GULP1: variants seen among roughly 807,000 people sequenced by gnomAD.
The protein encoded by GULP1 is GULP PTB domain containing engulfment adaptor 1, also known as PTB domain-containing engulfment adapter protein 1.
A neutral mutation model predicts 40.9 loss-of-function variants in GULP1; 19 were observed. That is an observed-to-expected ratio of 0.46 (90% CI 0.32 to 0.68). The LOEUF is 0.68. Among genes scored for constraint, GULP1 ranks in the 30% least tolerant of loss-of-function variants. GULP1 has a pLI of 0.03. For synonymous variants in GULP1, 119 were observed against 117.6 expected (o/e 1.01, Z -0.08); for missense variants, 312 against 362.2 (o/e 0.86, Z 1.12).
intron 4 of GULP1, among the ~76,000 whole-genome samples, chr2:188,505,627 C>G (rs1177767676): frequency 6.6e-5 from 10 of 151,702 alleles, no homozygotes; most frequent in Admixed American, 6.6e-4. Flanking sequence ...CATTCCAAGT[C>G]CTTGGTCCAT....
At chr2:188,583,269 C>T (rs1252434811) in intron 9 of GULP1, among the ~76,000 whole-genome samples, 1 of 152,116 alleles carries the variant, frequency 6.6e-6, no homozygotes, top group Admixed American at 6.5e-5. Context: ...CCATCATTCT[C>T]TACACACAAT....
intron 2 of GULP1, among the ~76,000 whole-genome samples, chr2:188,416,776 G>C (rs892270485): frequency 6.6e-6 from 1 of 152,172 alleles, no homozygotes; most frequent in Admixed American, 6.5e-5. Flanking sequence ...TGAACATATA[G>C]TAGTTAGTAG....
intron 1 of GULP1, among the ~76,000 whole-genome samples, chr2:188,351,130 G>A (rs2044389451): frequency 6.6e-6 from 1 of 152,128 alleles, no homozygotes; most frequent in Admixed American, 6.6e-5. Context: ...AAATAATTCA[G>A]AGGATGGAAT....
intron 2 of GULP1, among the ~76,000 whole-genome samples, chr2:188,471,874 T>A (rs755268257): frequency 2.0e-5 from 3 of 152,164 alleles, no homozygotes; most frequent in South Asian, 4.1e-4. Context: ...TTTTGTATCT[T>A]TGGTGTTGCT....
chr2:188,468,489 TATATTA>T (rs2060314106), intron 2 of GULP1, among the ~76,000 whole-genome samples: 1 of 152,210 alleles, frequency 6.6e-6, no homozygotes, highest in Non-Finnish European at 1.5e-5. Flanking sequence ...TAATTCAACA[TATATTA>T]ACTATAGATA....
intron 4 of GULP1, among the ~76,000 whole-genome samples, chr2:188,522,419 C>T (rs747875434): frequency 6.6e-6 from 1 of 151,930 alleles, no homozygotes; most frequent in Non-Finnish European, 1.5e-5. Context: ...TTTTTAATTA[C>T]TAATAAGTTT....
chr2:188,318,466 A>T (rs1235095976), intron 1 of GULP1, among the ~76,000 whole-genome samples: 1 of 152,134 alleles, frequency 6.6e-6, no homozygotes, highest in Non-Finnish European at 1.5e-5. Context: ...TCTTTCAATA[A>T]ACTCCATATA....
At chr2:188,360,243 G>A (rs918815471) in intron 1 of GULP1, among the ~76,000 whole-genome samples, 2 of 151,950 alleles carry the variant, frequency 1.3e-5, no homozygotes, top group African/African-American at 4.8e-5. Flanking sequence ...GGACAAAATA[G>A]GCTTTACTTT....
chr2:188,534,498 AG>A (rs1316350550), intron 6 of GULP1, among the ~76,000 whole-genome samples: 2 of 152,064 alleles, frequency 1.3e-5, no homozygotes, highest in Non-Finnish European at 2.9e-5. Flanking sequence ...GGGAGAAGGA[AG>A]GAGGGGATAA....
intron 2 of GULP1, among the ~76,000 whole-genome samples, chr2:188,387,322 T>G (rs188627918): frequency 6.6e-6 from 1 of 152,254 alleles, no homozygotes; most frequent in African/African-American, 2.4e-5. Flanking sequence ...TAATATCAAG[T>G]ATACATTTAT....
At chr2:188,370,485 C>T (rs2047458067) in intron 1 of GULP1, among the ~76,000 whole-genome samples, 1 of 152,098 alleles carries the variant, frequency 6.6e-6, no homozygotes, top group Non-Finnish European at 1.5e-5. Context: ...TTTATTTATG[C>T]CCTCCTCATT....
intron 4 of GULP1, among the ~76,000 whole-genome samples, chr2:188,484,013 T>C (rs112141389): frequency 0.021 from 3,156 of 152,186 alleles, 103 homozygotes; most frequent in African/African-American, 0.072. Flanking sequence ...AACCTCCATC[T>C]CCTGGGTTCA....
chr2:188,553,405 CTG>C (rs1693989800), intron 7 of GULP1, among the ~76,000 whole-genome samples: 1 of 151,956 alleles, frequency 6.6e-6, no homozygotes, highest in Non-Finnish European at 1.5e-5. Context: ...AATTCTTTTT[CTG>C]TGTCTATTGA....
intron 1 of GULP1, among the ~76,000 whole-genome samples, chr2:188,361,258 C>T (rs12329399): frequency 0.17 from 26,490 of 151,948 alleles, 2,385 homozygotes; most frequent in South Asian, 0.23. Flanking sequence ...CTTCTGATCT[C>T]TAGTGATTTA....
chr2:188,372,526 T>C (rs1453905242), intron 1 of GULP1, among the ~76,000 whole-genome samples: 2 of 152,052 alleles, frequency 1.3e-5, no homozygotes, highest in African/African-American at 4.8e-5. Flanking sequence ...TGACCTCATA[T>C]TTGTATTGTA....
At chr2:188,544,497 G>A (rs557480912) in intron 7 of GULP1, among the ~76,000 whole-genome samples, 4 of 151,568 alleles carry the variant, frequency 2.6e-5, no homozygotes, top group Non-Finnish European at 2.9e-5. Context: ...TGTAACAAAC[G>A]TGCATGTTGT....
chr2:188,587,685 T>C (rs1702680823), intron 10 of GULP1, among the ~76,000 whole-genome samples, 170 bp from the exon 11 acceptor site: 1 of 152,180 alleles, frequency 6.6e-6, no homozygotes, highest in African/African-American at 2.4e-5. Flanking sequence ...TTCTTCCTTG[T>C]TAATGTTTAA....
chr2:188,493,269 G>A (rs2062584020), intron 4 of GULP1, among the ~76,000 whole-genome samples: 1 of 147,118 alleles, frequency 6.8e-6, no homozygotes, highest in South Asian at 2.2e-4. Context: ...ATTAGTCATT[G>A]TTGCACAGTC....
chr2:188,445,306 A>C (rs1455328981), intron 2 of GULP1, among the ~76,000 whole-genome samples: 2 of 152,132 alleles, frequency 1.3e-5, no homozygotes, highest in Non-Finnish European at 2.9e-5. Flanking sequence ...GGAAAAAAAA[A>C]CAAAAACACT....
Sources: gnomAD v4.1 joint callset for allele counts (sites outside exome capture counted in the v4.1 genomes callset) on GRCh38, gnomAD v4.1.1 for gene constraint, MANE v1.5 for transcripts, NCBI Gene and HGNC (gene_info 2026-07-23, HGNC 2026-07-21) for gene names.